The following RAPGEF2 variants were observed in gnomAD, a reference collection of about 807,000 sequenced individuals.
RAPGEF2 encodes Rap guanine nucleotide exchange factor 2, also known as PDZ domain containing guanine nucleotide exchange factor (GEF) 1.
A neutral mutation model predicts 186.7 loss-of-function variants in RAPGEF2; 54 were observed. That is an observed-to-expected ratio of 0.29 (90% CI 0.23 to 0.36). The LOEUF is 0.36. Among genes scored for constraint, RAPGEF2 ranks in the 10% least tolerant of loss-of-function variants. The pLI is 1.00. For synonymous variants in RAPGEF2, 712 were observed against 705.9 expected, an observed-to-expected ratio of 1.01 and a Z score of -0.14; for missense variants, 1,532 against 2,045.0, an observed-to-expected ratio of 0.75 and a Z score of 4.84.
chr4:159,336,721 T>TATA (rs1767478848), intron 17 of RAPGEF2, among the ~76,000 whole-genome samples: 4 of 152,192 alleles, frequency 2.6e-5, no homozygotes, highest in Admixed American at 2.6e-4. Flanking sequence ...TATTTACCTT[T>TATA]ATAATTTCCA....
Position 159,331,969 on chromosome 4 carries a change from C to A in RAPGEF2, c.1823C>A (p.Ser608Ter). ...NGQNFENIQL[S>*]KAMEILRNNT... is the part of the protein sequence containing the mutation. ...CAAAACTTTGAAAACATTCAGCTGT[C>A]AAAAGCTATGGAAATTCTTAGAAAT... Residue 608 changes from serine (S) to a stop codon, truncating the protein, a stop_gained, in exon 16 of 30, where the codon TCA becomes TAA. Transcript: ENST00000691494. LOFTEE classifies it high-confidence loss of function. 1.2e-6 allele frequency: 2 copies of A among 1,609,338 alleles called. No individual in the cohort carries two copies. Among genetic ancestry groups the A allele is most frequent in the South Asian group, 2.2e-5 (2 of 89,028 alleles).
In RAPGEF2 at chr4:159,338,308, C is replaced by T. The variant is rs779362831; in HGVS notation, c.2136-3C>T. On this transcript the variant is annotated splice_polypyrimidine_tract_variant and splice_region_variant and intron_variant, in intron 17 of 29. Coordinates refer to ENST00000691494, the MANE Select transcript of RAPGEF2 (RefSeq NM_001394067.2). ...TAATTTTCTAATTTTCCTCTTTGTT[C>T]AGTGATATTGGGATTGGTCAGTCTC... The T allele has an allele frequency of 2.2e-5, 35 of 1,600,658 alleles. No homozygotes were observed. In the Admixed American group the frequency reaches 5.8e-4, roughly 26 times the overall value.
At chr4:159,342,553 A>ATTTTATATTATTTTATTTTATTTTATT (rs1554041228) in intron 20 of RAPGEF2, among the ~76,000 whole-genome samples, 4 of 71,976 alleles carry the variant, frequency 5.6e-5, no homozygotes, top group African/African-American at 1.5e-4. Context: ...TTTATTTTAT[A>ATTTTATATTATTTTATTTTATTTTATT]TTATTTTATT....
At chr4:159,261,067 AT>A (rs34389977) in intron 7 of RAPGEF2, among the ~76,000 whole-genome samples, 186 of 137,592 alleles carry the variant, frequency 1.4e-3, no homozygotes, top group East Asian at 9.5e-3. Context: ...GAAAAGGTTA[AT>A]TTTTTTTTTT....
chr4:159,111,778 A>G (rs1738525692), intron 1 of RAPGEF2, among the ~76,000 whole-genome samples: 1 of 152,218 alleles, frequency 6.6e-6, no homozygotes, highest in Admixed American at 6.5e-5. Context: ...TAAACTTTTT[A>G]GCTTAAGATA....
intron 4 of RAPGEF2, among the ~76,000 whole-genome samples, chr4:159,237,885 G>A (rs1214847844): frequency 6.8e-6 from 1 of 146,936 alleles, no homozygotes; most frequent in African/African-American, 2.5e-5. Flanking sequence ...AGGTATGGTG[G>A]TACGCACCTG....
chr4:159,347,660 T>C (rs1474191616), intron 25 of RAPGEF2, among the ~76,000 whole-genome samples: 2 of 152,130 alleles, frequency 1.3e-5, no homozygotes, highest in African/African-American at 2.4e-5. Context: ...GGCGGGCGCC[T>C]GTAGTCCCAG....
chr4:159,127,091 A>G (rs1740406013), intron 1 of RAPGEF2, among the ~76,000 whole-genome samples: 1 of 152,146 alleles, frequency 6.6e-6, no homozygotes, highest in Non-Finnish European at 1.5e-5. Context: ...CAGTGGTGCT[A>G]TCTTGGCTCA....
At chr4:159,228,795 C>T (rs1241073710) in intron 4 of RAPGEF2, among the ~76,000 whole-genome samples, 1 of 152,086 alleles carries the variant, frequency 6.6e-6, no homozygotes, top group Non-Finnish European at 1.5e-5. Context: ...TTTTTTGCTT[C>T]TTAAACTAAT....
chr4:159,318,681 T>A (rs1049645007), intron 9 of RAPGEF2, among the ~76,000 whole-genome samples: 8 of 152,042 alleles, frequency 5.3e-5, no homozygotes, highest in South Asian at 2.1e-4. Flanking sequence ...TTTTAAAAAA[T>A]TTTTTTTGTT....
chr4:159,342,553 A>ATATTATTTTATATTATT (rs1561316713), intron 20 of RAPGEF2, among the ~76,000 whole-genome samples: 6 of 71,976 alleles, frequency 8.3e-5, no homozygotes, highest in Non-Finnish European at 1.8e-4. Context: ...TTTATTTTAT[A>ATATTATTTTATATTATT]TTATTTTATT....
chr4:159,358,062 G>T (rs1732303675), intron 29 of RAPGEF2, 52 bp from the exon 30 acceptor site: 3 of 1,576,980 alleles, frequency 1.9e-6, no homozygotes, highest in East Asian at 4.5e-5. Context: ...TATAGCACAA[G>T]AAATTACTTG....
At position 159,323,472 on chromosome 4, in the gene RAPGEF2, C is replaced by T. The variant is rs754935454; in HGVS notation, c.1004C>T (p.Ser335Leu). The part of the protein sequence containing the change: ...LNDGEELDSW[S>L]VILNGSVEVT... ...TTTTTGGATTAGCTGGACTCCTGGT[C>T]AGTGATTCTCAATGGATCTGTGGAA... is the stretch of plus-strand genomic sequence containing the variant. Residue 335 changes from serine to leucine, a missense_variant, in exon 11 of 30, where the codon TCA becomes TTA. By Grantham distance (145) the Ser-to-Leu change is moderately radical. Transcript: ENST00000691494. 6.2e-7 allele frequency: 1 copy of T among 1,601,834 alleles called. No individual in the cohort carries two copies. The highest frequency in any genetic ancestry group is 8.5e-7 in the Non-Finnish European group (1 of 1,174,596).
At chr4:159,212,406 T>C (rs747677820) in intron 4 of RAPGEF2, among the ~76,000 whole-genome samples, 13 of 152,160 alleles carry the variant, frequency 8.5e-5, no homozygotes, top group Non-Finnish European at 1.5e-4. Flanking sequence ...ACTACATACA[T>C]TTTCAAAAAT....
chr4:159,322,763 A>C (rs184422458), intron 10 of RAPGEF2, among the ~76,000 whole-genome samples: 2 of 152,174 alleles, frequency 1.3e-5, no homozygotes, highest in Non-Finnish European at 1.5e-5. Context: ...GGTGAAAGGC[A>C]CTTCTTACAT....
intron 1 of RAPGEF2, among the ~76,000 whole-genome samples, chr4:159,124,069 T>A (rs1740018674): frequency 1.3e-5 from 2 of 150,664 alleles, no homozygotes. Flanking sequence ...TTGGCCAGGC[T>A]GTTCTCAACT....
At chr4:159,198,376 T>TTTCCTTCC (rs70962661) in intron 3 of RAPGEF2, among the ~76,000 whole-genome samples, 8 of 125,586 alleles carry the variant, frequency 6.4e-5, no homozygotes, top group South Asian at 2.7e-4. Context: ...TTTTTCTTTC[T>TTTCCTTCC]TTCCTTCCTT....
At chr4:159,265,909 A>G (rs1238963204) in intron 7 of RAPGEF2, among the ~76,000 whole-genome samples, 2 of 152,196 alleles carry the variant, frequency 1.3e-5, no homozygotes, top group Non-Finnish European at 2.9e-5. Flanking sequence ...ATGTTAAGGA[A>G]ACTCTTAGAT....
At position 159,289,806 on chromosome 4, in the gene RAPGEF2, AGG is replaced by A. The variant is rs577647841; in HGVS notation, c.544-14533_544-14532del. Among the ~76,000 whole-genome samples, 405 of 152,314 alleles carry A rather than the reference AGG, an allele frequency of 2.7e-3. 1 individual carries two copies. Among genetic ancestry groups the A allele is most frequent in the African/African-American group, 9.5e-3 (393 of 41,570 alleles). On this transcript the variant is annotated intron_variant, in intron 7 of 29. Transcript: ENST00000691494. ...GAGGGTTCAGAGAATTAGCCAGGCC[AGG>A]GGTGAGAGTGTTCTTCCCGGAAGAG... is the stretch of plus-strand genomic sequence containing the variant.
Sources: allele counts gnomAD v4.1 joint callset (sites outside exome capture counted in the v4.1 genomes callset), GRCh38; gene constraint gnomAD v4.1.1; transcripts MANE v1.5; gene names NCBI Gene and HGNC (gene_info 2026-07-23, HGNC 2026-07-21).